Variants in TBC1D1 observed in about 807,000 individuals in gnomAD.
TBC1D1 encodes the protein TBC1 domain family member 1.
A neutral mutation model predicts 125.6 loss-of-function variants in TBC1D1; 89 were observed. The ratio of observed to expected loss-of-function variants is 0.71; its 90% CI spans 0.60 to 0.85. TBC1D1 has a LOEUF of 0.85. TBC1D1 is among the 40% of genes least tolerant of loss of function. The probability of loss-of-function intolerance (pLI) is 0.00; values close to 1 mark genes in which losing one functional copy is unlikely to be tolerated. For synonymous variants in TBC1D1, 565 were observed against 564.1 expected (o/e 1.00, Z -0.02); for missense variants, 1,377 against 1,469.2 (o/e 0.94, Z 1.03).
At chr4:37,937,284 T>G (rs1179874183) in intron 2 of TBC1D1, among the ~76,000 whole-genome samples, 1 of 152,124 alleles carries the variant, frequency 6.6e-6, no homozygotes, top group East Asian at 1.9e-4. Flanking sequence ...AGAGAGTGAA[T>G]ATTTATCCCA....
chr4:38,011,353 CAAA>C (rs547785950), intron 2 of TBC1D1, among the ~76,000 whole-genome samples: 6 of 71,386 alleles, frequency 8.4e-5, no homozygotes, highest in Non-Finnish European at 8.7e-5. Flanking sequence ...AACTCCATCT[CAAA>C]AAAAAAAAAA....
At chr4:37,997,643 A>T (rs529073520) in intron 2 of TBC1D1, among the ~76,000 whole-genome samples, 1 of 152,318 alleles carries the variant, frequency 6.6e-6, no homozygotes, top group East Asian at 1.9e-4. Context: ...GATAAGCCCA[A>T]ATACATATTC....
chr4:38,051,012 A>AACACCC (rs1465070892), intron 11 of TBC1D1, among the ~76,000 whole-genome samples: 1 of 152,172 alleles, frequency 6.6e-6, no homozygotes, highest in Non-Finnish European at 1.5e-5. Flanking sequence ...TCTTGTGTTT[A>AACACCC]ACACCCTGTC....
At chr4:38,043,919 C>G (rs768759047) in intron 8 of TBC1D1, among the ~76,000 whole-genome samples, 2 of 152,212 alleles carry the variant, frequency 1.3e-5, no homozygotes, top group Non-Finnish European at 2.9e-5. Context: ...CTAATGATAG[C>G]TACCTTTCTA....
At chr4:38,047,339 G>A (rs528634661) in intron 10 of TBC1D1, among the ~76,000 whole-genome samples, 67 of 152,184 alleles carry the variant, frequency 4.4e-4, no homozygotes, top group Middle Eastern at 3.4e-3. Context: ...TAGGCAGGGT[G>A]GGGGGAGCCC....
intron 6 of TBC1D1, among the ~76,000 whole-genome samples, chr4:38,024,170 C>T (rs1744628743): frequency 6.6e-6 from 1 of 152,166 alleles, no homozygotes; most frequent in African/African-American, 2.4e-5. Flanking sequence ...GTGTTTTCCA[C>T]GTTGTTACTA....
intron 2 of TBC1D1, among the ~76,000 whole-genome samples, chr4:37,946,152 T>C (rs1270763230): frequency 1.3e-5 from 2 of 152,248 alleles, no homozygotes; most frequent in Non-Finnish European, 2.9e-5. Context: ...TCTCTTGCCT[T>C]ACTGTCTTGA....
intron 4 of TBC1D1, among the ~76,000 whole-genome samples, chr4:38,019,362 C>T (rs570087478): frequency 6.6e-6 from 1 of 152,184 alleles, no homozygotes; most frequent in East Asian, 1.9e-4. Flanking sequence ...ATCATATTTC[C>T]TTAAGTGGTA....
intron 2 of TBC1D1, among the ~76,000 whole-genome samples, chr4:37,905,946 T>G (rs1474535372): frequency 6.6e-6 from 1 of 152,220 alleles, no homozygotes; most frequent in African/African-American, 2.4e-5. Flanking sequence ...GCAATGGTTT[T>G]GGCACCCATC....
intron 2 of TBC1D1, among the ~76,000 whole-genome samples, chr4:37,915,764 G>T (rs1719601698): frequency 1.3e-5 from 2 of 151,966 alleles, no homozygotes; most frequent in Admixed American, 1.3e-4. Context: ...CCTTCATCAG[G>T]ACAGACTCCT....
At chr4:38,052,724 G>GTGCACACACACA (rs1362899510) in intron 11 of TBC1D1, among the ~76,000 whole-genome samples, 39 of 59,998 alleles carry the variant, frequency 6.5e-4, no homozygotes, top group Admixed American at 1.0e-3. Flanking sequence ...GCGCGCGCGC[G>GTGCACACACACA]CGCGCACACA....
intron 12 of TBC1D1, among the ~76,000 whole-genome samples, chr4:38,081,311 G>A (rs568364624): frequency 3.3e-5 from 5 of 152,120 alleles, no homozygotes; most frequent in Non-Finnish European, 5.9e-5. Flanking sequence ...GGAGGAAGCC[G>A]TCTCCGAGGG....
chr4:38,111,723 G>A (rs545133240), intron 15 of TBC1D1, among the ~76,000 whole-genome samples: 4 of 152,342 alleles, frequency 2.6e-5, no homozygotes, highest in South Asian at 2.1e-4. Flanking sequence ...GGATCTCAGC[G>A]ACCTCCAGGG....
chr4:38,055,358 G>A (rs921787626), intron 12 of TBC1D1, among the ~76,000 whole-genome samples: 4 of 152,154 alleles, frequency 2.6e-5, no homozygotes, highest in Non-Finnish European at 4.4e-5. Context: ...AGAATAAACT[G>A]TCTAAAGTTA....
chr4:37,986,685 A>G (rs1362087394), intron 2 of TBC1D1, among the ~76,000 whole-genome samples: 1 of 152,070 alleles, frequency 6.6e-6, no homozygotes, highest in East Asian at 1.9e-4. Context: ...ACCTCAAGTG[A>G]TCTGCCTGCC....
chr4:38,034,753 A>G (rs1283531100), intron 7 of TBC1D1, among the ~76,000 whole-genome samples: 8 of 152,230 alleles, frequency 5.3e-5, no homozygotes, highest in Non-Finnish European at 1.0e-4. Flanking sequence ...TGTATTTTCA[A>G]AATTTATAGA....
chr4:37,987,973 A>G (rs1735795057), intron 2 of TBC1D1, among the ~76,000 whole-genome samples: 1 of 152,218 alleles, frequency 6.6e-6, no homozygotes, highest in Non-Finnish European at 1.5e-5. Context: ...CACACTAGGC[A>G]GGCAGTAGCA....
intron 2 of TBC1D1, among the ~76,000 whole-genome samples, chr4:37,912,553 C>G (rs1167233190): frequency 6.6e-6 from 1 of 152,192 alleles, no homozygotes; most frequent in East Asian, 1.9e-4. Flanking sequence ...CTGCTGTGGT[C>G]TGAATGTGTC....
rs1766947817 is a variant in TBC1D1 at position 38,138,308 on chromosome 4, C to T, written c.*973C>T. 6.6e-6 allele frequency: 1 copy of T among 152,150 alleles called. No individual in the cohort carries two copies. Among genetic ancestry groups the T allele is most frequent in the Admixed American group, 6.5e-5 (1 of 15,278 alleles). The allele number at this position is 152,150 out of a possible 1,614,324, so 9.4% of individuals were successfully genotyped here. On this transcript the variant is annotated 3_prime_UTR_variant, in exon 20 of 20. Coordinates refer to ENST00000261439, the MANE Select transcript of TBC1D1 (RefSeq NM_015173.4). ...GATATTTCTTTGTGGTAGTTTCATA[C>T]CCATACTATAGAGTCATGTATTTAT...
Sources: gnomAD v4.1 joint callset for allele counts (sites outside exome capture counted in the v4.1 genomes callset) on GRCh38, gnomAD v4.1.1 for gene constraint, MANE v1.5 for transcripts, NCBI Gene and HGNC (gene_info 2026-07-23, HGNC 2026-07-21) for gene names.